The following NKAIN3 variants were observed in gnomAD, a reference collection of about 807,000 sequenced individuals.
NKAIN3 encodes the protein sodium/potassium transporting ATPase interacting 3.
In NKAIN3, 25 loss-of-function variants were observed where a neutral mutation model predicts 30.2. The ratio of observed to expected loss-of-function variants is 0.83; its 90% CI spans 0.60 to 1.16. The LOEUF (loss-of-function observed/expected upper bound fraction) is 1.16. Ranked by LOEUF, NKAIN3 falls within the 50% of genes most tolerant of loss-of-function variation. The pLI, the probability that NKAIN3 is intolerant of heterozygous loss-of-function variation, is 0.00. For missense variants in NKAIN3, 225 were observed against 254.1 expected (o/e 0.89, Z 0.78); for synonymous variants, 91 against 89.6 (o/e 1.02, Z -0.09).
At chr8:62,816,239 A>G (rs1432168610) in intron 4 of NKAIN3, among the ~76,000 whole-genome samples, 4 of 152,044 alleles carry the variant, frequency 2.6e-5, no homozygotes, top group Non-Finnish European at 5.9e-5. Context: ...GTGCTTTGGC[A>G]TTGGTTCTGG....
rs527702299 is a variant in NKAIN3 at position 62,256,790 on chromosome 8, A to T, written c.54+7663A>T. 3.9e-5 allele frequency among the ~76,000 whole-genome samples: 6 copies of T among 152,270 alleles called. No individual in the cohort carries two copies. The East Asian group carries it at 1.2e-3, about 29-fold the overall frequency. ...ATTTCTTTAGTCCAGGACAGTAAAGATCACTTTGCTTTTATAAAAGTGCCT... is the reference window on the plus strand; with the variant it reads ...ATTTCTTTAGTCCAGGACAGTAAAGTTCACTTTGCTTTTATAAAAGTGCCT... On this transcript the variant is annotated intron_variant, in intron 1 of 6. Coordinates refer to ENST00000623646, the MANE Select transcript of NKAIN3 (RefSeq NM_001304533.3).
In NKAIN3 at chr8:62,643,744, C is replaced by T. The variant is rs944954126; in HGVS notation, c.273+53950C>T. On this transcript the variant is annotated intron_variant, in intron 3 of 6. Transcript: ENST00000623646. ...TTGTGGAATTTTCCTATCCACATTC[C>T]GAACGTTACTAAGCATGCCTTTCTA... 4.6e-5 allele frequency among the ~76,000 whole-genome samples: 7 copies of T among 152,222 alleles called. No individual in the cohort carries two copies. In the East Asian group the frequency reaches 5.8e-4, roughly 13 times the overall value.
At position 62,802,399 on chromosome 8, in the gene NKAIN3, C is replaced by T. The variant is rs528734443; in HGVS notation, c.471+55270C>T. ...GTTGGGTTACCCACAAAGGGAAGCC[C>T]GTCAGACTAACAGTGGATCTCTTGG... On this transcript the variant is annotated intron_variant, in intron 4 of 6. Transcript: ENST00000623646. Among the ~76,000 whole-genome samples the T allele has an allele frequency of 1.4e-4, 22 of 152,296 alleles. No homozygotes were observed. The South Asian group carries it at 3.3e-3, about 23-fold the overall frequency.
chr8:62,849,606 C>A lies in NKAIN3; in HGVS notation c.472-68847C>A, dbSNP rs566947302. Among the ~76,000 whole-genome samples, 6 of 131,008 alleles carry A rather than the reference C, an allele frequency of 4.6e-5. No homozygotes were observed. The South Asian group carries it at 1.8e-3, about 40-fold the overall frequency. The allele number at this position is 131,008 out of a possible 152,430, so 85.9% of individuals were successfully genotyped here. A position where few individuals can be genotyped will look rare whatever the true frequency, so the allele number is the denominator to read the frequency against. On this transcript the variant is annotated intron_variant, in intron 4 of 6. Transcript: ENST00000623646. ...TAATGCTATCCCTCTCCCCTCCCCCCCACCCACCCCACAACAGGTCCAAGT... is the reference window on the plus strand; with the variant it reads ...TAATGCTATCCCTCTCCCCTCCCCCACACCCACCCCACAACAGGTCCAAGT...
chr8:62,423,515 C>T (rs1414464600), intron 1 of NKAIN3, among the ~76,000 whole-genome samples: 1 of 151,328 alleles, frequency 6.6e-6, no homozygotes, highest in East Asian at 1.9e-4. Context: ...AACTGTCCAT[C>T]ATTCTCAAAT....
At chr8:62,277,508 G>T (rs756714238) in intron 1 of NKAIN3, among the ~76,000 whole-genome samples, 1 of 152,080 alleles carries the variant, frequency 6.6e-6, no homozygotes, top group South Asian at 2.1e-4. Context: ...CGTCTCATGC[G>T]TAAGAAAGGT....
intron 5 of NKAIN3, among the ~76,000 whole-genome samples, chr8:62,952,748 T>C (rs1487660422): frequency 6.6e-6 from 1 of 152,184 alleles, no homozygotes; most frequent in South Asian, 2.1e-4. Context: ...CAGAAAACAT[T>C]GACATATCTC....
chr8:62,470,172 A>T (rs960218370), intron 1 of NKAIN3, among the ~76,000 whole-genome samples: 1 of 152,188 alleles, frequency 6.6e-6, no homozygotes, highest in African/African-American at 2.4e-5. Flanking sequence ...TTATTCTCAT[A>T]TGACTACAGC....
chr8:62,482,160 A>T (rs532608095), intron 1 of NKAIN3: 1 of 152,232 alleles, frequency 6.6e-6, no homozygotes, highest in African/African-American at 2.4e-5. Context: ...CTCCTCTTTT[A>T]TTCCCTCTCA....
At chr8:62,568,733 G>A (rs1445254759) in intron 1 of NKAIN3, among the ~76,000 whole-genome samples, 1 of 152,076 alleles carries the variant, frequency 6.6e-6, no homozygotes, top group Non-Finnish European at 1.5e-5. Context: ...CATATTGTTT[G>A]CCTGGCAAAG....
At chr8:62,823,846 T>C (rs1426183540) in intron 4 of NKAIN3, among the ~76,000 whole-genome samples, 1 of 152,186 alleles carries the variant, frequency 6.6e-6, no homozygotes, top group Non-Finnish European at 1.5e-5. Flanking sequence ...TTATTCGCTA[T>C]AGTATCTAAA....
chr8:62,958,327 T>C lies in NKAIN3; in HGVS notation c.603+4355T>C, dbSNP rs928746609. ...CAGTGGTGGTTATCTGGGTCTGGCC[T>C]GGGGACATGTGATACACAGGTCAGG... On this transcript the variant is annotated intron_variant, in intron 6 of 6. Transcript: ENST00000623646. Among the ~76,000 whole-genome samples the C allele has an allele frequency of 3.3e-5, 5 of 152,048 alleles. No individual in the cohort carries two copies. The East Asian group carries it at 7.7e-4, about 23-fold the overall frequency.
At chr8:62,796,567 G>T (rs1178591125) in intron 4 of NKAIN3, among the ~76,000 whole-genome samples, 2 of 152,096 alleles carry the variant, frequency 1.3e-5, no homozygotes, top group East Asian at 3.9e-4. Context: ...GTAGGCCATT[G>T]ATGACTAAAT....
At chr8:62,415,950 G>T (rs945340797) in intron 1 of NKAIN3, among the ~76,000 whole-genome samples, 2 of 151,848 alleles carry the variant, frequency 1.3e-5, no homozygotes, top group Admixed American at 1.3e-4. Flanking sequence ...GTAGAGATGG[G>T]GTTTCACCGT....
chr8:62,393,797 A>G (rs1466375016), intron 1 of NKAIN3, among the ~76,000 whole-genome samples: 1 of 152,138 alleles, frequency 6.6e-6, no homozygotes, highest in Non-Finnish European at 1.5e-5. Context: ...TTCAGTTCAC[A>G]GACATTGCAC....
At chr8:62,924,968 C>A (rs996761860) in intron 5 of NKAIN3, among the ~76,000 whole-genome samples, 4 of 152,058 alleles carry the variant, frequency 2.6e-5, no homozygotes, top group African/African-American at 4.8e-5. Context: ...CTACTAACAC[C>A]ATCACGCTGG....
At chr8:62,916,821 C>T (rs1322543378) in intron 4 of NKAIN3, among the ~76,000 whole-genome samples, 3 of 152,136 alleles carry the variant, frequency 2.0e-5, no homozygotes, top group East Asian at 1.9e-4. Context: ...AAGGAGGAAA[C>T]AAGGTGTTAG....
intron 4 of NKAIN3, among the ~76,000 whole-genome samples, chr8:62,917,504 C>G (rs1822144185): frequency 6.6e-6 from 1 of 152,186 alleles, no homozygotes; most frequent in Non-Finnish European, 1.5e-5. Flanking sequence ...ATGACAAGCT[C>G]AGGGTCCTAA....
rs374806565 is a variant in NKAIN3, at chr8:62,390,518, G to A, written c.54+141391G>A. On this transcript the variant is annotated intron_variant, in intron 1 of 6. Coordinates refer to ENST00000623646, the MANE Select transcript of NKAIN3 (RefSeq NM_001304533.3). ...CTGCAATGAATATAAACATGCTTGT[G>A]TCTTTATAATAGAATGATTTATATT... 8.5e-5 allele frequency among the ~76,000 whole-genome samples: 13 copies of A among 152,258 alleles called. No individual in the cohort carries two copies. In the South Asian group the frequency reaches 2.7e-3, roughly 32 times the overall value.
Sources: allele counts gnomAD v4.1 joint callset (sites outside exome capture counted in the v4.1 genomes callset), GRCh38; gene constraint gnomAD v4.1.1; transcripts MANE v1.5; gene names NCBI Gene and HGNC (gene_info 2026-07-23, HGNC 2026-07-21).